The following EPHX2 variants were observed in gnomAD, a reference collection of about 807,000 sequenced individuals.
EPHX2 encodes the protein bifunctional epoxide hydrolase 2.
In EPHX2, 74 loss-of-function variants were observed where a neutral mutation model predicts 78.7. That is an observed-to-expected ratio of 0.94 (90% CI 0.78 to 1.14). EPHX2 has a LOEUF of 1.14. Ranked by LOEUF, EPHX2 falls within the 50% of genes most tolerant of loss-of-function variation. The probability of loss-of-function intolerance (pLI) is 0.00; values close to 1 mark genes in which losing one functional copy is unlikely to be tolerated. For synonymous variants in EPHX2, 251 were observed against 255.2 expected, an observed-to-expected ratio of 0.98 and a Z score of 0.16; for missense variants, 715 against 702.5, an observed-to-expected ratio of 1.02 and a Z score of -0.20.
At chr8:27,527,917 C>T (rs1814903933) in intron 12 of EPHX2, among the ~76,000 whole-genome samples, 1 of 152,150 alleles carries the variant, frequency 6.6e-6, no homozygotes, top group African/African-American at 2.4e-5. Context: ...GAGGGCTTAA[C>T]CCCAACTGGC....
At chr8:27,508,720 G>A (rs558365992) in intron 5 of EPHX2, among the ~76,000 whole-genome samples, 1 of 152,236 alleles carries the variant, frequency 6.6e-6, no homozygotes, top group East Asian at 1.9e-4. Context: ...TTTCATTGTG[G>A]AAAAATGCAT....
intron 3 of EPHX2, 123 bp from the exon 4 acceptor site, chr8:27,504,833 A>G: frequency 1.0e-6 from 1 of 973,448 alleles, no homozygotes; most frequent in South Asian, 1.6e-5. Context: ...AAAGTTGGGC[A>G]TAAGAGATTA....
At chr8:27,511,951 A>T in intron 6 of EPHX2, 41 bp downstream of exon 6, 1 of 1,595,422 alleles carries the variant, frequency 6.3e-7, no homozygotes. Flanking sequence ...GTGCTCTCCC[A>T]CCAGGTCACC....
chr8:27,537,453 A>G (rs573652200), intron 13 of EPHX2, among the ~76,000 whole-genome samples: 1 of 152,180 alleles, frequency 6.6e-6, no homozygotes, highest in Non-Finnish European at 1.5e-5. Flanking sequence ...TTATCTGAGT[A>G]TAGAATTTTA....
intron 1 of EPHX2, chr8:27,492,787 C>A: frequency 6.4e-6 from 1 of 155,338 alleles, no homozygotes; most frequent in Non-Finnish European, 1.4e-5. Flanking sequence ...TTACAGAGCG[C>A]TGATTGGTGC....
At chr8:27,532,022 G>A (rs1048172268) in intron 12 of EPHX2, among the ~76,000 whole-genome samples, 2 of 152,184 alleles carry the variant, frequency 1.3e-5, no homozygotes, top group Non-Finnish European at 2.9e-5. Context: ...TCCTCTGACA[G>A]TGTGCTGAAT....
At chr8:27,536,710 C>T in intron 12 of EPHX2, 74 bp from the exon 13 acceptor site, 5 of 1,530,646 alleles carry the variant, frequency 3.3e-6, no homozygotes, top group Non-Finnish European at 3.6e-6. Context: ...TTGTTGCTTT[C>T]AGTCAGATGA....
chr8:27,527,921 A>G (rs1274087656), intron 12 of EPHX2, among the ~76,000 whole-genome samples: 1 of 152,142 alleles, frequency 6.6e-6, no homozygotes, highest in East Asian at 1.9e-4. Flanking sequence ...GCTTAACCCC[A>G]ACTGGCCCAA....
chr8:27,504,350 A>AGTGAG (rs2132722097), intron 3 of EPHX2, among the ~76,000 whole-genome samples: 1 of 152,246 alleles, frequency 6.6e-6, no homozygotes, highest in East Asian at 1.9e-4. Flanking sequence ...TCTCACCATC[A>AGTGAG]ACTCTTCAGT....
chr8:27,497,542 A>G (rs1165558011), intron 1 of EPHX2, among the ~76,000 whole-genome samples: 1 of 152,130 alleles, frequency 6.6e-6, no homozygotes, highest in Admixed American at 6.5e-5. Context: ...CTATTGTAGA[A>G]CACCAAGGTT....
In EPHX2 at chr8:27,491,377, A is replaced by G. The variant is rs72473931; in HGVS notation, c.101+68A>G. The G allele has an allele frequency of 1.8e-3, 2,135 of 1,209,174 alleles. 15 individuals are homozygous for G. In the African/African-American group the frequency reaches 0.023, roughly 13 times the overall value. 74.9% of individuals were successfully genotyped at this position (1,209,174 alleles called of 1,614,324 possible). On this transcript the variant is annotated intron_variant, in intron 1 of 18. Coordinates refer to ENST00000521400, the MANE Select transcript of EPHX2 (RefSeq NM_001979.6). ...AGGAGGCAGACCGCGCTGGGCTTGC[A>G]GCCCAGCTTTCAGATTGCTCCTGTG...
chr8:27,522,680 CG>C (rs1563353831), intron 11 of EPHX2, among the ~76,000 whole-genome samples, 172 bp downstream of exon 11: 1 of 152,094 alleles, frequency 6.6e-6, no homozygotes, highest in Non-Finnish European at 1.5e-5. Context: ...AGGGCCTAGC[CG>C]GGCGTGGTGG....
intron 5 of EPHX2, among the ~76,000 whole-genome samples, chr8:27,510,279 G>A (rs370384890): frequency 1.3e-5 from 2 of 152,214 alleles, no homozygotes; most frequent in South Asian, 2.1e-4. Flanking sequence ...GATTCACAGC[G>A]TGTCCAGCAG....
At chr8:27,501,052 C>T in intron 2 of EPHX2, 42 bp downstream of exon 2, 2 of 1,564,616 alleles carry the variant, frequency 1.3e-6, no homozygotes, top group East Asian at 2.3e-5. Flanking sequence ...GATGAACGTT[C>T]TCTGCCTGTG....
At chr8:27,496,169 G>C (rs1214277327) in intron 1 of EPHX2, among the ~76,000 whole-genome samples, 1 of 152,224 alleles carries the variant, frequency 6.6e-6, no homozygotes, top group Non-Finnish European at 1.5e-5. Context: ...TGTAGGCAGA[G>C]CTGGGCCTTC....
chr8:27,493,636 G>T (rs1813467316), intron 1 of EPHX2, among the ~76,000 whole-genome samples: 1 of 152,190 alleles, frequency 6.6e-6, no homozygotes, highest in African/African-American at 2.4e-5. Context: ...CACTGATAGG[G>T]TCTGATTTCC....
At chr8:27,520,101 C>T (rs1308818690) in intron 9 of EPHX2, among the ~76,000 whole-genome samples, 1 of 151,572 alleles carries the variant, frequency 6.6e-6, no homozygotes, top group African/African-American at 2.4e-5. Flanking sequence ...CTCAGCCTCC[C>T]AAAGTGCTAG....
rs564776758 is a variant in EPHX2, at chr8:27,502,968, T to C, written c.187-636T>C. 1.4e-4 allele frequency among the ~76,000 whole-genome samples: 21 copies of C among 152,268 alleles called. 1 individual carries two copies. The highest frequency in any genetic ancestry group is 5.1e-4 in the African/African-American group (21 of 41,560). On this transcript the variant is annotated intron_variant, in intron 2 of 18. Transcript: ENST00000521400. ...GGGCTTGCTATGGTCCAAGTGTTTG[T>C]GCCCCCCGCCCAAAATCCCTATGTT...
At chr8:27,530,116 C>T (rs1028561714) in intron 12 of EPHX2, among the ~76,000 whole-genome samples, 1 of 150,594 alleles carries the variant, frequency 6.6e-6, no homozygotes, top group Admixed American at 6.6e-5. Context: ...TAAGTCCTGG[C>T]GTCAAGTGAT....
Sources: allele counts gnomAD v4.1 joint callset (sites outside exome capture counted in the v4.1 genomes callset), GRCh38; gene constraint gnomAD v4.1.1; transcripts MANE v1.5; gene names NCBI Gene and HGNC (gene_info 2026-07-23, HGNC 2026-07-21).